Variants in WWOX observed in about 807,000 individuals in gnomAD.
The protein encoded by WWOX is WW domain containing oxidoreductase.
A neutral mutation model predicts 46.2 loss-of-function variants in WWOX; 69 were observed. The ratio of observed to expected loss-of-function variants is 1.49; its 90% confidence interval spans 1.23 to 1.82. WWOX has a LOEUF of 1.82. Ranked by LOEUF, WWOX falls within the 40% of genes most tolerant of loss-of-function variation. WWOX has a pLI of 0.00. For missense variants in WWOX, 919 were observed against 542.6 expected (o/e 1.69, Z -6.89); for synonymous variants, 359 against 202.6 (o/e 1.77, Z -6.56).
chr16:78,702,045 A>ATATATATATATATAT (rs1491253055), intron 8 of WWOX, among the ~76,000 whole-genome samples: 7 of 121,972 alleles, frequency 5.7e-5, no homozygotes, highest in Non-Finnish European at 8.2e-5. Flanking sequence ...ATATATATAT[A>ATATATATATATATAT]AAATAATGCA....
chr16:78,119,625 A>AT (rs780629307), intron 4 of WWOX, among the ~76,000 whole-genome samples: 8,176 of 143,910 alleles, frequency 0.057, 269 homozygotes, highest in Non-Finnish European at 0.073. Flanking sequence ...CATCCATTAA[A>AT]TTTTTTTTTT....
intron 5 of WWOX, chr16:78,355,744 G>T (rs573143270): frequency 5.6e-6 from 4 of 708,520 alleles, no homozygotes. Flanking sequence ...CATATGAAGA[G>T]ACATATGAAT....
At chr16:78,844,057 A>G (rs754565830) in intron 8 of WWOX, among the ~76,000 whole-genome samples, 47 of 152,310 alleles carry the variant, frequency 3.1e-4, no homozygotes, top group Non-Finnish European at 6.3e-4. Flanking sequence ...ATTTTTATAA[A>G]TAAGCTGGTG....
intron 8 of WWOX, among the ~76,000 whole-genome samples, chr16:78,694,334 G>T (rs1211113563): frequency 6.6e-6 from 1 of 152,164 alleles, no homozygotes; most frequent in Non-Finnish European, 1.5e-5. Context: ...TGCGACCATG[G>T]TCTTTACTGC....
Position 78,334,806 on chromosome 16 carries a change from A to ACACGCG in WWOX, c.517-52053_517-52052insACGCGC, listed in dbSNP as rs1555521508. ...AAGTCTCCCCTCCACACACACACAC[A>ACACGCG]CGCACACACACACACACACACACAC... On this transcript the variant is annotated intron_variant, in intron 5 of 8. Transcript: ENST00000566780. 6.9e-5 allele frequency among the ~76,000 whole-genome samples: 9 copies of ACACGCG among 130,762 alleles called. No homozygotes were observed. In the Admixed American group the frequency reaches 7.7e-4, roughly 11 times the overall value. 85.8% of individuals were successfully genotyped at this position (130,762 alleles called of 152,430 possible). A position where few individuals can be genotyped will look rare whatever the true frequency, so the allele number is the denominator to read the frequency against.
chr16:78,890,542 C>T (rs1262002460), intron 8 of WWOX: 1 of 152,240 alleles, frequency 6.6e-6, no homozygotes, highest in African/African-American at 2.4e-5. Context: ...GATGTCTTCA[C>T]TTCCTGCCAC....
chr16:78,851,780 A>T (rs887156116), intron 8 of WWOX, among the ~76,000 whole-genome samples: 39 of 152,232 alleles, frequency 2.6e-4, no homozygotes, highest in Non-Finnish European at 2.9e-5. Flanking sequence ...GGGGCTGTAG[A>T]TGAACTGTTC....
intron 8 of WWOX, among the ~76,000 whole-genome samples, chr16:78,681,377 C>G (rs1480198534): frequency 6.6e-6 from 1 of 152,174 alleles, no homozygotes; most frequent in Admixed American, 6.5e-5. Context: ...ATACATCAGT[C>G]TGGGTGACAG....
intron 6 of WWOX, among the ~76,000 whole-genome samples, chr16:78,387,280 A>G (rs2082079081): frequency 6.6e-6 from 1 of 152,186 alleles, no homozygotes. Context: ...GAATGGAGTA[A>G]GAGTATATTT....
At chr16:78,354,056 C>G (rs1368565977) in intron 5 of WWOX, among the ~76,000 whole-genome samples, 1 of 152,164 alleles carries the variant, frequency 6.6e-6, no homozygotes, top group Non-Finnish European at 1.5e-5. Flanking sequence ...TATTAGGCAG[C>G]TTGTTTGCAC....
chr16:79,088,495 A>T (rs762787720), intron 8 of WWOX, among the ~76,000 whole-genome samples: 2 of 152,208 alleles, frequency 1.3e-5, no homozygotes, highest in East Asian at 1.9e-4. Flanking sequence ...GTCATCAGCA[A>T]GTCTTATCTG....
At chr16:79,096,550 C>T (rs555415854) in intron 8 of WWOX, among the ~76,000 whole-genome samples, 1 of 152,290 alleles carries the variant, frequency 6.6e-6, no homozygotes, top group South Asian at 2.1e-4. Context: ...TCGGAGGAAG[C>T]CTTCTCTAGA....
chr16:78,113,111 C>G (rs533464449), intron 3 of WWOX, among the ~76,000 whole-genome samples: 66 of 152,302 alleles, frequency 4.3e-4, no homozygotes, highest in African/African-American at 1.5e-3. Context: ...ATTAATCAAC[C>G]AAGAGCAGCA....
intron 8 of WWOX, among the ~76,000 whole-genome samples, chr16:78,773,391 AC>A (rs1387851680): frequency 6.6e-6 from 1 of 152,178 alleles, no homozygotes; most frequent in African/African-American, 2.4e-5. Context: ...CTCTGGTCCC[AC>A]CCATGGGTAA....
At chr16:78,875,703 C>T (rs151275999) in intron 8 of WWOX, among the ~76,000 whole-genome samples, 4 of 152,270 alleles carry the variant, frequency 2.6e-5, no homozygotes, top group Admixed American at 6.5e-5. Flanking sequence ...TTTTCTAAGC[C>T]ACAGTGGCAA....
At chr16:78,507,745 T>A (rs1034314554) in intron 8 of WWOX, among the ~76,000 whole-genome samples, 1 of 152,066 alleles carries the variant, frequency 6.6e-6, no homozygotes, top group Non-Finnish European at 1.5e-5. Flanking sequence ...GGAAACACAG[T>A]CTTACTGTGC....
At chr16:78,159,022 TGTA>T (rs1460600380) in intron 4 of WWOX, among the ~76,000 whole-genome samples, 1 of 152,192 alleles carries the variant, frequency 6.6e-6, no homozygotes, top group Non-Finnish European at 1.5e-5. Context: ...AATTGTATCA[TGTA>T]GTATTTGTCC....
At chr16:78,438,715 C>A (rs2083383876) in intron 8 of WWOX, among the ~76,000 whole-genome samples, 1 of 152,154 alleles carries the variant, frequency 6.6e-6, no homozygotes, top group South Asian at 2.1e-4. Flanking sequence ...TAAAAAATGG[C>A]TTACGTTTAT....
chr16:78,491,874 C>T (rs1412635033), intron 8 of WWOX, among the ~76,000 whole-genome samples: 2 of 152,178 alleles, frequency 1.3e-5, no homozygotes, highest in East Asian at 3.9e-4. Flanking sequence ...TACACATTGC[C>T]GTTCCCTTGC....
Sources: allele counts gnomAD v4.1 joint callset (sites outside exome capture counted in the v4.1 genomes callset), GRCh38; gene constraint gnomAD v4.1.1; transcripts MANE v1.5; gene names NCBI Gene and HGNC (gene_info 2026-07-23, HGNC 2026-07-21).